TSBP1: variants seen among roughly 807,000 people sequenced by gnomAD.
The protein encoded by TSBP1 is testis expressed basic protein 1, also known as testis-expressed basic protein 1.
Under a neutral mutation model 68.8 loss-of-function variants are expected in TSBP1, and 56 were observed. That is an observed-to-expected ratio of 0.81 (90% CI 0.66 to 1.02). The LOEUF is 1.02. Ranked by LOEUF, TSBP1 falls within the 50% of genes least tolerant of loss-of-function variation. The pLI is 0.00. For synonymous variants in TSBP1, 171 were observed against 208.7 expected (o/e 0.82, Z 1.56); for missense variants, 502 against 641.2 (o/e 0.78, Z 2.34).
chr6:32,313,032 A>T (rs922522753), intron 19 of TSBP1, among the ~76,000 whole-genome samples: 3 of 152,120 alleles, frequency 2.0e-5, no homozygotes, highest in African/African-American at 7.2e-5. Flanking sequence ...GAAATCTGCA[A>T]TTTTTTATTA....
intron 6 of TSBP1, among the ~76,000 whole-genome samples, chr6:32,362,261 C>T (rs1282313805): frequency 1.4e-5 from 2 of 138,996 alleles, no homozygotes; most frequent in Non-Finnish European, 3.0e-5. Context: ...TGCACTCCAG[C>T]CTGGGCAACA....
In TSBP1 at chr6:32,338,125, G is replaced by A. The variant is rs1769883756; in HGVS notation, c.409+854C>T. Among the ~76,000 whole-genome samples the A allele has an allele frequency of 6.6e-6, 1 of 152,150 alleles. No homozygotes were observed. The highest frequency in any genetic ancestry group is 6.5e-5 in the Admixed American group (1 of 15,272). ...AGGGCTGGAAAAGCTGGTTAAATTT[G>A]GACCAAGTGCATTCATCTTTTTATT... On this transcript the variant is annotated intron_variant, in intron 11 of 22. Coordinates refer to ENST00000612031, the Ensembl canonical transcript of TSBP1. This position sits in a 1 kb window ranked among gnomAD's most constrained non-coding sequence, Gnocchi z 5.5.
chr6:32,351,620 C>A (rs1054937628), intron 8 of TSBP1, among the ~76,000 whole-genome samples: 29 of 152,004 alleles, frequency 1.9e-4, no homozygotes, highest in Admixed American at 3.9e-4. Context: ...CAAATATGGG[C>A]AAAATTCATA....
At chr6:32,331,039 G>A (rs932239904) in intron 15 of TSBP1, among the ~76,000 whole-genome samples, 14 of 152,286 alleles carry the variant, frequency 9.2e-5, no homozygotes, top group African/African-American at 3.4e-4. Context: ...CTAAATCTCA[G>A]TATTCAGGAT....
chr6:32,366,289 T>C, exon 5 of TSBP1: 1 of 1,601,996 alleles, frequency 6.2e-7, no homozygotes, highest in East Asian at 2.2e-5. Flanking sequence ...GTGTTGAATA[T>C]GCATGTCGGG....
At chr6:32,369,298 A>T (rs1483260573) in intron 2 of TSBP1, among the ~76,000 whole-genome samples, 3 of 86,892 alleles carry the variant, frequency 3.5e-5, no homozygotes, top group Admixed American at 3.4e-4. Context: ...TTTTTTTTTT[A>T]AACTCAGGTA....
intron 2 of TSBP1, 61 bp downstream of exon 2, chr6:32,369,836 T>C: frequency 9.9e-7 from 1 of 1,011,640 alleles, no homozygotes. Flanking sequence ...AGACTGAATC[T>C]TGGCATCCCT....
In TSBP1 at chr6:32,338,147, T is replaced by C. The variant is rs144849145; in HGVS notation, c.409+832A>G. Among the ~76,000 whole-genome samples, 109 of 152,324 alleles carry C rather than the reference T, an allele frequency of 7.2e-4. 1 individual carries two copies. The East Asian group carries it at 0.02, about 29-fold the overall frequency. On this transcript the variant is annotated intron_variant, in intron 11 of 22. Coordinates refer to ENST00000612031, the Ensembl canonical transcript of TSBP1. This position sits in a 1 kb window ranked among gnomAD's most constrained non-coding sequence, Gnocchi z 5.5. The stretch of plus-strand genomic sequence containing the variant: ...TTTGGACCAAGTGCATTCATCTTTT[T>C]ATTTCCTCTCTCAGGGCAGAGAATT...
chr6:32,351,475 G>A (rs1356720942), intron 8 of TSBP1, among the ~76,000 whole-genome samples: 1 of 152,122 alleles, frequency 6.6e-6, no homozygotes, highest in Non-Finnish European at 1.5e-5. Context: ...GAGATTTTAA[G>A]ATCCGGGGCT....
chr6:32,301,962 C>CATAATAATAATAATAATA (rs1554185882), intron 20 of TSBP1, among the ~76,000 whole-genome samples: 1 of 135,462 alleles, frequency 7.4e-6, no homozygotes, highest in African/African-American at 3.0e-5. Flanking sequence ...TAGTTGAAAT[C>CATAATAATAATAATAATA]ATCATCATAA....
At chr6:32,352,177 A>C (rs1771788448) in intron 8 of TSBP1, among the ~76,000 whole-genome samples, 2 of 152,028 alleles carry the variant, frequency 1.3e-5, no homozygotes, top group Admixed American at 1.3e-4. Context: ...AATAATGTTA[A>C]GCAAAAACAA....
At position 32,333,111 on chromosome 6, in the gene TSBP1, C is replaced by T. The variant is rs1017402009; in HGVS notation, c.473-1057G>A. 3.3e-5 allele frequency among the ~76,000 whole-genome samples: 5 copies of T among 151,786 alleles called. No homozygotes were observed. Among genetic ancestry groups the T allele is most frequent in the African/African-American group, 4.8e-5 (2 of 41,290 alleles). On this transcript the variant is annotated intron_variant, in intron 14 of 22. Coordinates refer to ENST00000612031, the Ensembl canonical transcript of TSBP1. The surrounding 1 kb of genome is among the most constrained non-coding windows in gnomAD (Gnocchi z 4.2). Reference sequence around the variant, plus strand: ...GCAACCTCTGCCTCCTGGGTTCAAGCGATTCTCCTGCCTTAGCCTCCTGAG... The same window carrying T: ...GCAACCTCTGCCTCCTGGGTTCAAGTGATTCTCCTGCCTTAGCCTCCTGAG...
rs183469338 is a variant in TSBP1, at chr6:32,314,881, G to C, written c.580+891C>G. 6.6e-6 allele frequency among the ~76,000 whole-genome samples: 1 copy of C among 152,176 alleles called. No homozygotes were observed. Among genetic ancestry groups the C allele is most frequent in the East Asian group, 1.9e-4 (1 of 5,178 alleles). ...CTAGATGTGAATTCTTGCATGAAGA[G>C]GTTGGCTGGAGCTGGGCAGCAGCTA... On this transcript the variant is annotated intron_variant, in intron 19 of 22. Transcript: ENST00000612031. This position sits in a 1 kb window ranked among gnomAD's most constrained non-coding sequence, Gnocchi z 4.2.
exon 23 of TSBP1, chr6:32,293,835 C>A: frequency 1.2e-6 from 2 of 1,613,052 alleles, no homozygotes; most frequent in Non-Finnish European, 8.5e-7. Flanking sequence ...AAATCAGTGC[C>A]TTTTCCTTCT....
Position 32,316,108 on chromosome 6 carries a change from T to C in TSBP1, c.560-316A>G, listed in dbSNP as rs1424512794. ...TTTCTGTTTCCTTTGAATAGCATTA[T>C]AATGTTTGAGAGAACACTGAAAGCC... is the stretch of plus-strand genomic sequence containing the variant. On this transcript the variant is annotated intron_variant, in intron 18 of 22. Coordinates refer to ENST00000612031, the Ensembl canonical transcript of TSBP1. This position sits in a 1 kb window ranked among gnomAD's most constrained non-coding sequence, Gnocchi z 4.5. 6.6e-6 allele frequency among the ~76,000 whole-genome samples: 1 copy of C among 152,230 alleles called. No homozygotes were observed. The highest frequency in any genetic ancestry group is 1.5e-5 in the Non-Finnish European group (1 of 68,038).
At chr6:32,303,714 G>A (rs1043315051) in intron 19 of TSBP1, among the ~76,000 whole-genome samples, 2 of 152,144 alleles carry the variant, frequency 1.3e-5, no homozygotes, top group African/African-American at 2.4e-5. Context: ...TTCTTTCAAG[G>A]AGGGGAAGTC....
chr6:32,353,246 T>C (rs775558479), intron 8 of TSBP1, among the ~76,000 whole-genome samples: 4 of 151,934 alleles, frequency 2.6e-5, no homozygotes, highest in Non-Finnish European at 4.4e-5. Context: ...CACAGCAGGG[T>C]GGCTAGATAC....
Position 32,357,299 on chromosome 6 carries a change from GTACACTAAA to G in TSBP1, c.218-1639_218-1631del, listed in dbSNP as rs1772458177. 6.6e-6 allele frequency among the ~76,000 whole-genome samples: 1 copy of G among 152,110 alleles called. No individual in the cohort carries two copies. Among genetic ancestry groups the G allele is most frequent in the East Asian group, 1.9e-4 (1 of 5,202 alleles). ...AGAAAGATACTAAGATTGTAGGCTT[GTACACTAAA>G]GATCTGTAAACAGGAAATTAAAAAT... On this transcript the variant is annotated intron_variant, in intron 6 of 22. Transcript: ENST00000612031. This position sits in a 1 kb window ranked among gnomAD's most constrained non-coding sequence, Gnocchi z 4.7.
intron 14 of TSBP1, among the ~76,000 whole-genome samples, chr6:32,334,184 T>A (rs530696340): frequency 1.3e-5 from 2 of 152,298 alleles, no homozygotes; most frequent in South Asian, 4.1e-4. Flanking sequence ...TTTCTCAACA[T>A]ACTCATTTCC....
Sources: gnomAD v4.1 joint callset for allele counts (sites outside exome capture counted in the v4.1 genomes callset) on GRCh38, gnomAD v4.1.1 for gene constraint, Gnocchi (gnomAD v3.1) non-coding constraint, MANE v1.5 for transcripts, NCBI Gene and HGNC (gene_info 2026-07-23, HGNC 2026-07-21) for gene names.